TENM3: variants seen among roughly 807,000 people sequenced by gnomAD.
TENM3 encodes teneurin-3.
TENM3 carries 63 observed loss-of-function variants against 255.1 expected under a neutral mutation model. That is an observed-to-expected ratio of 0.25 (90% confidence interval 0.20 to 0.30). The LOEUF (loss-of-function observed/expected upper bound fraction) is 0.30. Ranked by LOEUF, TENM3 falls within the 10% of genes least tolerant of loss-of-function variation. The pLI is 1.00. For synonymous variants in TENM3, 1,306 were observed against 1,322.3 expected (o/e 0.99, Z 0.27); for missense variants, 2,929 against 3,461.1 (o/e 0.85, Z 3.86).
the TENM3 span, among the ~76,000 whole-genome samples, chr4:181,573,849 C>T: frequency 2.0e-5 from 3 of 152,102 alleles, no homozygotes; most frequent in South Asian, 6.2e-4. Flanking sequence ...GAGCAAACCC[C>T]CTTGCTGGTA....
chr4:182,178,988 G>A (rs995219019), intron 1 of TENM3, among the ~76,000 whole-genome samples: 1 of 152,148 alleles, frequency 6.6e-6, no homozygotes, highest in African/African-American at 2.4e-5. Context: ...TGTTTTCAAC[G>A]AATTCCTTTT....
chr4:181,944,002 T>A, the TENM3 span, among the ~76,000 whole-genome samples: 1 of 152,130 alleles, frequency 6.6e-6, no homozygotes, highest in Non-Finnish European at 1.5e-5. Context: ...ATAAACTTCA[T>A]CCCACAGAAC....
At chr4:181,639,272 A>C in the TENM3 span, among the ~76,000 whole-genome samples, 1 of 152,210 alleles carries the variant, frequency 6.6e-6, no homozygotes, top group East Asian at 1.9e-4. Context: ...ATATTGACTT[A>C]AGAGATATTT....
the TENM3 span, among the ~76,000 whole-genome samples, chr4:181,473,217 C>G: frequency 6.6e-6 from 1 of 152,040 alleles, no homozygotes. Context: ...CAATTTTAAA[C>G]AAAGACAAGA....
intron 18 of TENM3, among the ~76,000 whole-genome samples, chr4:182,742,521 G>A (rs1041336396): frequency 1.3e-5 from 2 of 152,128 alleles, no homozygotes; most frequent in African/African-American, 4.8e-5. Flanking sequence ...CTGTATTATC[G>A]TTACAGCTTT....
the TENM3 span, among the ~76,000 whole-genome samples, chr4:181,549,102 T>TG: frequency 1.3e-5 from 2 of 152,168 alleles, no homozygotes; most frequent in African/African-American, 2.4e-5. Context: ...GCTTACTTGC[T>TG]GTCCCTGAAC....
chr4:181,522,958 C>G, the TENM3 span: 1 of 711,724 alleles, frequency 1.4e-6, no homozygotes, highest in Admixed American at 1.8e-5. Context: ...TATGAGAAGG[C>G]TGAGATAAAG....
At chr4:181,668,243 T>A in the TENM3 span, among the ~76,000 whole-genome samples, 4 of 152,226 alleles carry the variant, frequency 2.6e-5, no homozygotes. Context: ...CTGGCTTTCA[T>A]GTTCCTCCAA....
chr4:182,358,103 C>A (rs1301591734), intron 3 of TENM3, among the ~76,000 whole-genome samples: 4 of 152,016 alleles, frequency 2.6e-5, no homozygotes, highest in South Asian at 4.2e-4. Context: ...CAGTACCATG[C>A]TGTTTTGGTT....
the TENM3 span, among the ~76,000 whole-genome samples, chr4:181,813,736 G>T: frequency 6.6e-6 from 1 of 152,290 alleles, no homozygotes; most frequent in South Asian, 2.1e-4. Context: ...TGAGGGAGGG[G>T]AGTGCAAAGA....
chr4:181,905,525 T>C, the TENM3 span, among the ~76,000 whole-genome samples: 2 of 143,822 alleles, frequency 1.4e-5, no homozygotes, highest in African/African-American at 2.5e-5. Flanking sequence ...TTGCAGATAA[T>C]GAGCTGAGCT....
chr4:182,324,696 C>T (rs527865579), intron 2 of TENM3, among the ~76,000 whole-genome samples: 2 of 152,262 alleles, frequency 1.3e-5, no homozygotes, highest in East Asian at 1.9e-4. Flanking sequence ...GGCTTATTAC[C>T]CCAGATCATC....
At chr4:181,944,809 A>G in the TENM3 span, among the ~76,000 whole-genome samples, 1 of 151,966 alleles carries the variant, frequency 6.6e-6, no homozygotes, top group Non-Finnish European at 1.5e-5. Context: ...GGCAGGACAG[A>G]CACCATCCTG....
At chr4:181,454,399 G>A in the TENM3 span, among the ~76,000 whole-genome samples, 1 of 152,108 alleles carries the variant, frequency 6.6e-6, no homozygotes, top group Non-Finnish European at 1.5e-5. Context: ...TGGTAGTGTA[G>A]CCATCGTAAT....
the TENM3 span, among the ~76,000 whole-genome samples, chr4:181,752,177 G>C: frequency 1.3e-5 from 2 of 152,158 alleles, no homozygotes; most frequent in Non-Finnish European, 2.9e-5. Flanking sequence ...CAGCACCCCA[G>C]CTCTGTAGAA....
At chr4:182,183,828 T>C (rs1752982941) in intron 1 of TENM3, among the ~76,000 whole-genome samples, 2 of 152,226 alleles carry the variant, frequency 1.3e-5, no homozygotes, top group African/African-American at 4.8e-5. Flanking sequence ...TCTAGTTTAC[T>C]TGGTCTTTTA....
At chr4:182,382,714 C>G (rs4861508) in intron 3 of TENM3, among the ~76,000 whole-genome samples, 148,525 of 152,278 alleles carry the variant, frequency 0.98, 72,472 homozygotes, top group East Asian at 1. Context: ...ATCCACTCTG[C>G]ACATTGAAAG....
At chr4:182,573,377 A>G (rs61701444) in intron 3 of TENM3, among the ~76,000 whole-genome samples, 30,655 of 152,148 alleles carry the variant, frequency 0.2, 3,237 homozygotes, top group Middle Eastern at 0.25. Context: ...GGGTGTTTTT[A>G]TAAGTTTTCA....
the TENM3 span, among the ~76,000 whole-genome samples, chr4:181,986,742 A>G: frequency 6.6e-6 from 1 of 152,100 alleles, no homozygotes; most frequent in African/African-American, 2.4e-5. Flanking sequence ...ATGCTTTCTT[A>G]GAGATCATAT....
Sources: allele counts gnomAD v4.1 joint callset (sites outside exome capture counted in the v4.1 genomes callset), GRCh38; gene constraint gnomAD v4.1.1; transcripts MANE v1.5; gene names NCBI Gene and HGNC (gene_info 2026-07-23, HGNC 2026-07-21).